CLNK: variants seen among roughly 807,000 people sequenced by gnomAD.
CLNK encodes the protein cytokine-dependent hematopoietic cell linker.
A neutral mutation model predicts 68.6 loss-of-function variants in CLNK; 74 were observed. The ratio of observed to expected loss-of-function variants is 1.08; its 90% confidence interval spans 0.89 to 1.31. The LOEUF is 1.31. Ranked by LOEUF, CLNK falls within the 50% of genes most tolerant of loss-of-function variation. The pLI is 0.00. For synonymous variants in CLNK, 198 were observed against 172.2 expected (o/e 1.15, Z -1.17); for missense variants, 553 against 515.3 (o/e 1.07, Z -0.71).
At chr4:10,537,145 T>C (rs1718789640) in intron 11 of CLNK, among the ~76,000 whole-genome samples, 1 of 152,178 alleles carries the variant, frequency 6.6e-6, no homozygotes, top group Admixed American at 6.5e-5. Context: ...TTTCCAATTA[T>C]TTTAGTGTAA....
At chr4:10,649,211 T>C (rs1019168067) in intron 2 of CLNK, among the ~76,000 whole-genome samples, 1 of 152,290 alleles carries the variant, frequency 6.6e-6, no homozygotes, top group African/African-American at 2.4e-5. Flanking sequence ...AAAATTGAAT[T>C]CCACAGGGAG....
At chr4:10,499,462 T>C (rs557151532) in intron 18 of CLNK, among the ~76,000 whole-genome samples, 8 of 152,288 alleles carry the variant, frequency 5.3e-5, no homozygotes, top group South Asian at 2.1e-4. Context: ...ACTATTCCTC[T>C]CCGAGTCTCA....
chr4:10,662,261 G>A (rs1283588044), intron 2 of CLNK, among the ~76,000 whole-genome samples: 5 of 152,100 alleles, frequency 3.3e-5, no homozygotes, highest in African/African-American at 9.7e-5. Context: ...CAACTTAAAC[G>A]TCCAACACCA....
chr4:10,707,829 G>C, the CLNK span, among the ~76,000 whole-genome samples: 2 of 152,152 alleles, frequency 1.3e-5, no homozygotes, highest in Non-Finnish European at 2.9e-5. Flanking sequence ...GTGTAAACAA[G>C]ACCCAGTGGC....
chr4:10,586,564 C>T (rs559881671), intron 3 of CLNK, among the ~76,000 whole-genome samples: 16 of 152,140 alleles, frequency 1.1e-4, no homozygotes, highest in African/African-American at 3.4e-4. Flanking sequence ...CCACCCACCT[C>T]GGCCTCCCAC....
chr4:10,691,640 A>G, the CLNK span, among the ~76,000 whole-genome samples: 4 of 151,542 alleles, frequency 2.6e-5, no homozygotes, highest in Non-Finnish European at 5.9e-5. Context: ...TATTTGCCGG[A>G]TACTTTTCCC....
intron 7 of CLNK, 65 bp downstream of exon 7, chr4:10,564,606 C>T (rs1271095044): frequency 4.5e-6 from 5 of 1,111,356 alleles, no homozygotes; most frequent in East Asian, 2.4e-5. Context: ...GGAGATGGGG[C>T]AGTTTCTAGC....
intron 2 of CLNK, among the ~76,000 whole-genome samples, chr4:10,648,844 T>C (rs1163080509): frequency 1.3e-5 from 2 of 152,310 alleles, no homozygotes; most frequent in Non-Finnish European, 1.5e-5. Context: ...ATGCATCTTA[T>C]CGACTTCACA....
At chr4:10,560,783 G>A (rs1168176080) in intron 7 of CLNK, among the ~76,000 whole-genome samples, 1 of 152,144 alleles carries the variant, frequency 6.6e-6, no homozygotes, top group African/African-American at 2.4e-5. Context: ...CAACATAAAT[G>A]TGCAGAACTA....
At chr4:10,595,218 C>T (rs1291465438) in intron 3 of CLNK, among the ~76,000 whole-genome samples, 1 of 152,206 alleles carries the variant, frequency 6.6e-6, no homozygotes, top group Non-Finnish European at 1.5e-5. Flanking sequence ...TAACCTCCCT[C>T]AGACTATTTT....
chr4:10,613,186 ATG>A (rs1722098182), intron 2 of CLNK, among the ~76,000 whole-genome samples: 1 of 152,010 alleles, frequency 6.6e-6, no homozygotes, highest in Non-Finnish European at 1.5e-5. Flanking sequence ...TGGGTATAGC[ATG>A]TTAGCAGGTG....
chr4:10,576,520 G>A (rs973138224), intron 4 of CLNK, among the ~76,000 whole-genome samples: 2 of 152,180 alleles, frequency 1.3e-5, no homozygotes, highest in African/African-American at 2.4e-5. Context: ...TATACGCAGT[G>A]TAAAGCCCAG....
chr4:10,542,872 A>G (rs1471965000), intron 8 of CLNK, among the ~76,000 whole-genome samples: 1 of 152,108 alleles, frequency 6.6e-6, no homozygotes, highest in Non-Finnish European at 1.5e-5. Context: ...CTCAAGGACA[A>G]TTAACCTTAG....
intron 11 of CLNK, among the ~76,000 whole-genome samples, chr4:10,537,313 A>C (rs2005798): frequency 0.92 from 140,490 of 152,032 alleles, 65,295 homozygotes; most frequent in Non-Finnish European, 0.98. Flanking sequence ...CCTCATCTCT[A>C]CTAAAAATAT....
intron 2 of CLNK, among the ~76,000 whole-genome samples, chr4:10,654,944 T>C (rs1723905107): frequency 6.6e-6 from 1 of 151,542 alleles, no homozygotes; most frequent in Non-Finnish European, 1.5e-5. Flanking sequence ...CTACTAAAAA[T>C]ATAAAAAATT....
At chr4:10,540,326 C>G (rs1169331923) in intron 11 of CLNK, among the ~76,000 whole-genome samples, 168 bp downstream of exon 11, 2 of 152,202 alleles carry the variant, frequency 1.3e-5, no homozygotes, top group African/African-American at 2.4e-5. Context: ...AATTAAACCT[C>G]TTTTCTTTAT....
At chr4:10,543,114 C>A (rs2108809978) in intron 8 of CLNK, among the ~76,000 whole-genome samples, 1 of 152,246 alleles carries the variant, frequency 6.6e-6, no homozygotes, top group South Asian at 2.1e-4. Flanking sequence ...ATGGCTGTCA[C>A]CGAACATGTT....
chr4:10,616,788 G>GTA (rs1722244947), intron 2 of CLNK, among the ~76,000 whole-genome samples: 1 of 11,516 alleles, frequency 8.7e-5, no homozygotes, highest in African/African-American at 1.5e-4. Context: ...ATGTGTGTGT[G>GTA]TGTATATATA....
intron 14 of CLNK, among the ~76,000 whole-genome samples, chr4:10,522,484 G>T (rs1718119509): frequency 7.0e-6 from 1 of 142,586 alleles, no homozygotes; most frequent in South Asian, 2.2e-4. Context: ...TGAGGCGGGA[G>T]AATTGCTTAA....
Sources: allele counts gnomAD v4.1 joint callset (sites outside exome capture counted in the v4.1 genomes callset), GRCh38; gene constraint gnomAD v4.1.1; transcripts MANE v1.5; gene names NCBI Gene and HGNC (gene_info 2026-07-23, HGNC 2026-07-21).